Variants in SLC3A1 observed in about 807,000 individuals in gnomAD.
The protein encoded by SLC3A1 is solute carrier family 3 member 1.
In SLC3A1, 78 loss-of-function variants were observed where a neutral mutation model predicts 60.3. The observed-to-expected ratio is 1.29, with a 90% CI of 1.08 to 1.56. The LOEUF is 1.56. Ranked by LOEUF, SLC3A1 falls within the 40% of genes most tolerant of loss-of-function variation. SLC3A1 has a pLI of 0.00. For missense variants in SLC3A1, 1,172 were observed against 858.9 expected (o/e 1.36, Z -4.56); for synonymous variants, 392 against 307.9 (o/e 1.27, Z -2.86).
Position 44,278,690 on chromosome 2 carries a change from AG to A in SLC3A1, c.431-2024del, listed in dbSNP as rs1296559828. On this transcript the variant is annotated intron_variant, in intron 1 of 9. Transcript: ENST00000260649. ...TATGCATTTGGGACTCTGAACTAGA[AG>A]GAGAAAACACATTATCTGCTCATTA... Among the ~76,000 whole-genome samples the A allele has an allele frequency of 5.9e-5, 9 of 152,246 alleles. No individual in the cohort carries two copies. In the East Asian group the frequency reaches 1.7e-3, roughly 29 times the overall value.
In SLC3A1 at chr2:44,320,469, G is replaced by A. The variant is rs1226053069; in HGVS notation, c.1888G>A (p.Gly630Ser). The change falls in exon 10 of 10, where the codon GGC becomes AGC. Residue 630 changes from glycine to serine, a missense_variant. By Grantham distance (56) the Gly-to-Ser change is moderately conservative (BLOSUM62 0). Coordinates refer to ENST00000260649, the MANE Select transcript of SLC3A1 (RefSeq NM_000341.4). ...IRLSTNSADKGSKVDTSGIFL... is the reference protein window; with the variant it reads ...IRLSTNSADKSSKVDTSGIFL... ...GTTAAGTACCAATTCTGCCGACAAA[G>A]GCAGTAAAGTTGATACAAGTGGCAT... 1.2e-6 allele frequency: 2 copies of A among 1,614,018 alleles called. No individual in the cohort carries two copies. Among genetic ancestry groups the A allele is most frequent in the Admixed American group, 1.7e-5 (1 of 60,000 alleles).
At chr2:44,277,805 T>G (rs1010294519) in intron 1 of SLC3A1, among the ~76,000 whole-genome samples, 5 of 152,164 alleles carry the variant, frequency 3.3e-5, no homozygotes, top group Non-Finnish European at 7.3e-5. Flanking sequence ...AGCTCTGATG[T>G]TTGTCATTTC....
In SLC3A1 at chr2:44,312,617, C is replaced by A; in HGVS notation, c.1364C>A (p.Ser455Ter). ...IGGPDSSRLT[S>*]RLGNQYVNVM... ...GGACCAGACAGTTCACGGCTGACTT[C>A]GCGTTTGGGGAATCAGTATGTCAAC... Residue 455 changes from serine to a stop codon, truncating the protein, a stop_gained, in exon 8 of 10, where the codon TCG (serine) becomes TAG (stop). Coordinates refer to ENST00000260649, the MANE Select transcript of SLC3A1 (RefSeq NM_000341.4). LOFTEE classifies it high-confidence loss of function. The A allele has an allele frequency of 1.2e-6, 2 of 1,613,910 alleles. No individual in the cohort carries two copies. The highest frequency in any genetic ancestry group is 1.7e-6 in the Non-Finnish European group (2 of 1,179,870).
At chr2:44,314,330 G>A (rs1409529861) in intron 9 of SLC3A1, 3 of 470,342 alleles carry the variant, frequency 6.4e-6, no homozygotes, top group African/African-American at 5.8e-5. Flanking sequence ...AGGCAGTAAG[G>A]AGATCAATCA....
At chr2:44,318,838 T>C (rs1280213773) in intron 9 of SLC3A1, 1 of 152,190 alleles carries the variant, frequency 6.6e-6, no homozygotes, top group Non-Finnish European at 1.5e-5. Flanking sequence ...AAGGCAATTT[T>C]CAAAAATTGA....
intron 7 of SLC3A1, among the ~76,000 whole-genome samples, chr2:44,307,334 TTC>T (rs916023940): frequency 6.6e-6 from 1 of 152,216 alleles, no homozygotes; most frequent in Non-Finnish European, 1.5e-5. Flanking sequence ...ATGTTTTCAA[TTC>T]TCTCTGATAT....
At chr2:44,305,012 GT>G (rs1157978866) in intron 7 of SLC3A1, among the ~76,000 whole-genome samples, 1 of 151,720 alleles carries the variant, frequency 6.6e-6, no homozygotes, top group Non-Finnish European at 1.5e-5. Flanking sequence ...TGTATTTTTA[GT>G]AGGGAGGGAG....
chr2:44,286,207 T>G (rs1313089372), intron 4 of SLC3A1, 50 bp downstream of exon 4: 1 of 1,581,810 alleles, frequency 6.3e-7, no homozygotes, highest in South Asian at 1.1e-5. Flanking sequence ...GGTTTAGGTA[T>G]TTATTTAAAA....
intron 3 of SLC3A1, 67 bp from the exon 4 acceptor site, chr2:44,285,965 G>C: frequency 1.9e-6 from 3 of 1,573,108 alleles, no homozygotes; most frequent in African/African-American, 2.7e-5. Context: ...ATCAGGGAGG[G>C]CAATGATCTT....
chr2:44,300,074 A>G lies in SLC3A1; in HGVS notation c.995A>G (p.Asn332Ser). The change falls in exon 5 of 10, where the codon AAT becomes AGT. Residue 332 changes from asparagine to serine, a missense_variant. Coordinates refer to ENST00000260649, the MANE Select transcript of SLC3A1 (RefSeq NM_000341.4). ...CACCTGAGAGATGAGATCCAAGTAAATAAGACCCAAATCCCGGTAAAGTTT... is the reference window on the plus strand; with the variant it reads ...CACCTGAGAGATGAGATCCAAGTAAGTAAGACCCAAATCCCGGTAAAGTTT... ...AKHLRDEIQV[N>S]KTQIPDTVTQ... is the part of the protein sequence containing the mutation. 1.2e-6 allele frequency: 2 copies of G among 1,614,054 alleles called. No individual in the cohort carries two copies. The highest frequency in any genetic ancestry group is 1.7e-6 in the Non-Finnish European group (2 of 1,179,908).
At chr2:44,309,564 A>G (rs1385791722) in intron 7 of SLC3A1, among the ~76,000 whole-genome samples, 1 of 152,190 alleles carries the variant, frequency 6.6e-6, no homozygotes, top group Admixed American at 6.5e-5. Context: ...TTTTGGATCT[A>G]TACCATGGAG....
chr2:44,302,347 C>A (rs1178333403), intron 6 of SLC3A1, among the ~76,000 whole-genome samples: 1 of 152,166 alleles, frequency 6.6e-6, no homozygotes, highest in Non-Finnish European at 1.5e-5. Flanking sequence ...GTGCCTGGAT[C>A]ATAGTAAACA....
In SLC3A1 at chr2:44,320,182, CTTT is replaced by C. The variant is rs1558478193; in HGVS notation, c.1618-13_1618-11del. 7 of 1,599,664 alleles carry C rather than the reference CTTT, an allele frequency of 4.4e-6. No individual in the cohort carries two copies. The highest frequency in any genetic ancestry group is 4.5e-5 in the East Asian group (2 of 44,732). ...TTAGAATCAAACACTTACGTAAATA[CTTT>C]TTTAAAAAAATAGGTCCAAAAGACT... On this transcript the variant is annotated splice_polypyrimidine_tract_variant and intron_variant, in intron 9 of 9. Transcript: ENST00000260649.
chr2:44,312,856 C>A, intron 8 of SLC3A1, 103 bp downstream of exon 8: 1 of 917,438 alleles, frequency 1.1e-6, no homozygotes, highest in South Asian at 1.4e-5. Flanking sequence ...TATTGCATTG[C>A]TGAAAATCAT....
Position 44,275,558 on chromosome 2 carries a change from G to A in SLC3A1, c.23G>A (p.Arg8Lys), listed in dbSNP as rs757195597. The change falls in exon 1 of 10, where the codon AGA becomes AAA. Residue 8 changes from arginine to lysine, a missense_variant. Arg to Lys is a conservative substitution (Grantham distance 26). Coordinates refer to ENST00000260649, the MANE Select transcript of SLC3A1 (RefSeq NM_000341.4). ...GACATGGCTGAAGATAAAAGCAAGA[G>A]AGACTCCATCGAGATGAGTATGAAG... MAEDKSK[R>K]DSIEMSMKGC... is the part of the protein sequence containing the mutation. 21 of 1,614,020 alleles carry A rather than the reference G, an allele frequency of 1.3e-5. No homozygotes were observed. Among genetic ancestry groups the A allele is most frequent in the Non-Finnish European group, 1.5e-5 (18 of 1,180,026 alleles).
chr2:44,299,108 G>C (rs1448299829), intron 4 of SLC3A1, among the ~76,000 whole-genome samples: 1 of 148,616 alleles, frequency 6.7e-6, no homozygotes, highest in Non-Finnish European at 1.5e-5. Context: ...GCCCAATCTC[G>C]GCTCACCACA....
At chr2:44,294,034 T>G (rs1671795126) in intron 4 of SLC3A1, among the ~76,000 whole-genome samples, 1 of 152,110 alleles carries the variant, frequency 6.6e-6, no homozygotes, top group African/African-American at 2.4e-5. Flanking sequence ...TGAAGTGCAA[T>G]GTCGAGAGGG....
intron 4 of SLC3A1, among the ~76,000 whole-genome samples, chr2:44,294,502 C>CAAA (rs58236415): frequency 4.0e-5 from 3 of 75,536 alleles, no homozygotes; most frequent in Admixed American, 1.5e-4. Flanking sequence ...GACTCCATCT[C>CAAA]AAAAAAAAAA....
chr2:44,316,537 C>G (rs1025097364), intron 9 of SLC3A1: 1 of 152,132 alleles, frequency 6.6e-6, no homozygotes, highest in East Asian at 1.9e-4. Context: ...AACAATTGCA[C>G]AGGAGAACAG....
Sources: allele counts gnomAD v4.1 joint callset (sites outside exome capture counted in the v4.1 genomes callset), GRCh38; gene constraint gnomAD v4.1.1; transcripts MANE v1.5; gene names NCBI Gene and HGNC (gene_info 2026-07-23, HGNC 2026-07-21).